The following TAFA2 variants were observed in gnomAD, a reference collection of about 807,000 sequenced individuals.
TAFA2 encodes the protein chemokine-like protein TAFA-2.
Under a neutral mutation model 18.8 loss-of-function variants are expected in TAFA2, and 7 were observed. The ratio of observed to expected loss-of-function variants is 0.37; its 90% CI spans 0.21 to 0.70. The LOEUF is 0.70. Among genes scored for constraint, TAFA2 ranks in the 30% least tolerant of loss-of-function variants. TAFA2 has a pLI of 0.53. For synonymous variants in TAFA2, 60 were observed against 54.2 expected (o/e 1.11, Z -0.47); for missense variants, 122 against 158.1 (o/e 0.77, Z 1.23).
chr12:61,898,895 C>T (rs1268466126), intron 1 of TAFA2, among the ~76,000 whole-genome samples: 1 of 152,170 alleles, frequency 6.6e-6, no homozygotes, highest in East Asian at 1.9e-4. Flanking sequence ...GTTTTATGCT[C>T]TCTGCTCCCC....
chr12:62,114,975 A>T (rs1208131290), intron 1 of TAFA2, among the ~76,000 whole-genome samples: 1 of 152,192 alleles, frequency 6.6e-6, no homozygotes, highest in Non-Finnish European at 1.5e-5. Context: ...GTTTAATTAA[A>T]AATTGACTGA....
intron 1 of TAFA2, among the ~76,000 whole-genome samples, chr12:61,983,111 G>A (rs371450363): frequency 6.6e-6 from 1 of 152,198 alleles, no homozygotes; most frequent in East Asian, 1.9e-4. Flanking sequence ...TTCAGCAATG[G>A]AATAGACTAT....
intron 1 of TAFA2, among the ~76,000 whole-genome samples, chr12:62,158,939 A>G (rs2062389151): frequency 1.3e-5 from 2 of 152,230 alleles, no homozygotes; most frequent in Non-Finnish European, 2.9e-5. Flanking sequence ...GAAAAAGGGA[A>G]TGTTCATCTT....
At chr12:61,718,280 G>A (rs10877724) in intron 4 of TAFA2, among the ~76,000 whole-genome samples, 43,000 of 152,158 alleles carry the variant, frequency 0.28, 6,778 homozygotes, top group South Asian at 0.38. Flanking sequence ...GACTGTTTGC[G>A]TTGCCATTTA....
At chr12:61,941,748 C>T (rs1878028325) in intron 1 of TAFA2, among the ~76,000 whole-genome samples, 1 of 152,206 alleles carries the variant, frequency 6.6e-6, no homozygotes, top group Non-Finnish European at 1.5e-5. Context: ...TTCAGACCGG[C>T]TTAAAAAACG....
At chr12:61,714,867 A>G (rs12319647) in intron 4 of TAFA2, among the ~76,000 whole-genome samples, 4,237 of 152,258 alleles carry the variant, frequency 0.028, 190 homozygotes, top group African/African-American at 0.097. Flanking sequence ...TATCCGCAGG[A>G]GGTAACATAT....
chr12:61,770,424 T>G (rs1009350651), intron 2 of TAFA2, among the ~76,000 whole-genome samples: 2 of 152,036 alleles, frequency 1.3e-5, no homozygotes, highest in Admixed American at 1.3e-4. Flanking sequence ...CACCACCTAG[T>G]TACATAGTCA....
At chr12:62,197,653 T>C (rs150200305), upstream of TAFA2, among the ~76,000 whole-genome samples, 1 of 152,330 alleles carries the variant, frequency 6.6e-6, no homozygotes, top group East Asian at 1.9e-4. Context: ...CTAGTTTCTG[T>C]CACTATAGTT....
intron 1 of TAFA2, among the ~76,000 whole-genome samples, chr12:61,993,710 T>C (rs966838954): frequency 6.6e-6 from 1 of 152,164 alleles, no homozygotes; most frequent in African/African-American, 2.4e-5. Context: ...TTCCTCATGG[T>C]GTAAATTGGG....
At chr12:62,145,446 C>T (rs1021709395) in intron 1 of TAFA2, 1 of 152,186 alleles carries the variant, frequency 6.6e-6, no homozygotes, top group Non-Finnish European at 1.5e-5. Flanking sequence ...CGAAACCATC[C>T]TCCGCACCCC....
At chr12:62,042,197 T>C (rs1203420706) in intron 1 of TAFA2, among the ~76,000 whole-genome samples, 1 of 151,872 alleles carries the variant, frequency 6.6e-6, no homozygotes, top group Non-Finnish European at 1.5e-5. Flanking sequence ...AGCTCTCTTA[T>C]CCCTACAAGC....
chr12:62,203,463 T>C (rs541867200), intron 1 of TAFA2, among the ~76,000 whole-genome samples: 20 of 152,372 alleles, frequency 1.3e-4, no homozygotes, highest in Admixed American at 2.6e-4. Context: ...TATTATTGTG[T>C]GGGCATCTAA....
At chr12:62,055,722 A>G (rs1882171546) in intron 1 of TAFA2, among the ~76,000 whole-genome samples, 1 of 152,232 alleles carries the variant, frequency 6.6e-6, no homozygotes, top group Non-Finnish European at 1.5e-5. Context: ...CCAGAATCAA[A>G]GCAGTGGCTC....
intron 1 of TAFA2, among the ~76,000 whole-genome samples, chr12:62,147,316 GTGTATGTATGTA>G (rs796697377): frequency 0.22 from 9,600 of 44,212 alleles, 797 homozygotes; most frequent in Non-Finnish European, 0.31. Flanking sequence ...GTGTGTGTGT[GTGTATGTATGTA>G]TATATATATA....
chr12:62,252,850 T>C (rs1416480350), intron 1 of TAFA2: 1 of 152,184 alleles, frequency 6.6e-6, no homozygotes, highest in African/African-American at 2.4e-5. Context: ...TCCTGTGTCA[T>C]GAGATCAAAC....
chr12:62,258,784 G>C, exon 1 of TAFA2: 1 of 360,432 alleles, frequency 2.8e-6, no homozygotes, highest in Admixed American at 3.4e-5. Context: ...TCCAATATAT[G>C]TTTTCCATAT....
chr12:62,118,215 T>TA (rs1303505274), intron 1 of TAFA2, among the ~76,000 whole-genome samples: 2 of 152,192 alleles, frequency 1.3e-5, no homozygotes, highest in African/African-American at 4.8e-5. Flanking sequence ...TTTTAGTTTT[T>TA]AACTCTATAA....
chr12:61,815,125 A>G (rs551277547), intron 2 of TAFA2, among the ~76,000 whole-genome samples: 1 of 151,624 alleles, frequency 6.6e-6, no homozygotes, highest in Non-Finnish European at 1.5e-5. Context: ...TTCATGGAGT[A>G]GAGTAGTCAT....
At chr12:62,178,723 T>A (rs1337025065) in intron 1 of TAFA2, among the ~76,000 whole-genome samples, 2 of 152,214 alleles carry the variant, frequency 1.3e-5, no homozygotes, top group Non-Finnish European at 2.9e-5. Flanking sequence ...TCTTTTATAA[T>A]GGGCTACAAG....
Sources: allele counts gnomAD v4.1 joint callset (sites outside exome capture counted in the v4.1 genomes callset), GRCh38; gene constraint gnomAD v4.1.1; transcripts MANE v1.5; gene names NCBI Gene and HGNC (gene_info 2026-07-23, HGNC 2026-07-21).